Variants in YY1 observed in about 807,000 individuals in gnomAD.
YY1 encodes YY1 transcription factor, also known as transcriptional repressor protein YY1.
In YY1, 2 loss-of-function variants were observed where a neutral mutation model predicts 35.6. That is an observed-to-expected ratio of 0.06 (90% CI 0.02 to 0.18). The LOEUF (loss-of-function observed/expected upper bound fraction) is 0.18. Ranked by LOEUF, YY1 falls within the 10% of genes least tolerant of loss-of-function variation. The probability of loss-of-function intolerance (pLI) is 1.00; values close to 1 mark genes in which losing one functional copy is unlikely to be tolerated. For missense variants in YY1, 322 were observed against 573.4 expected, an observed-to-expected ratio of 0.56 and a Z score of 4.48; for synonymous variants, 268 against 238.9, an observed-to-expected ratio of 1.12 and a Z score of -1.12.
intron 1 of YY1, among the ~76,000 whole-genome samples, chr14:100,249,992 C>T (rs1890900642): frequency 6.6e-6 from 1 of 152,000 alleles, no homozygotes; most frequent in African/African-American, 2.4e-5. Context: ...AGGCTGGTCT[C>T]GAACTCCCGA....
intron 1 of YY1, among the ~76,000 whole-genome samples, chr14:100,240,481 A>T (rs1393644752): frequency 1.4e-5 from 2 of 145,306 alleles, no homozygotes; most frequent in Non-Finnish European, 3.0e-5. Flanking sequence ...CCGGACTCCC[A>T]ACTGCTCCCC....
Position 100,277,099 on chromosome 14 carries a change from C to T in YY1, c.1063-319C>T. 1 of 462,502 alleles carries T rather than the reference C, an allele frequency of 2.2e-6. No homozygotes were observed. The highest frequency in any genetic ancestry group is 4.0e-5 in the East Asian group (1 of 24,764). 28.6% of individuals were successfully genotyped at this position (462,502 alleles called of 1,614,324 possible). ...TAAATCTAACGTGGTTCTTTTTTGACAACTGACACCAGAACCCTTAATCAT... is the reference window on the plus strand; with the variant it reads ...TAAATCTAACGTGGTTCTTTTTTGATAACTGACACCAGAACCCTTAATCAT... On this transcript the variant is annotated intron_variant, in intron 4 of 4. Transcript: ENST00000262238. The surrounding 1 kb of genome is among the most constrained non-coding windows in gnomAD (Gnocchi z 5.6).
chr14:100,241,362 A>T (rs1890738677), intron 1 of YY1, among the ~76,000 whole-genome samples: 1 of 152,176 alleles, frequency 6.6e-6, no homozygotes, highest in Admixed American at 6.5e-5. Context: ...AATGAATGAA[A>T]CAGAAATGAA....
At chr14:100,269,278 A>C (rs1367517568) in intron 2 of YY1, among the ~76,000 whole-genome samples, 21 of 152,182 alleles carry the variant, frequency 1.4e-4, no homozygotes, top group Non-Finnish European at 2.9e-5. Flanking sequence ...CAGGTGCTTA[A>C]CATACAGCTC....
intron 1 of YY1, among the ~76,000 whole-genome samples, chr14:100,255,201 A>G (rs1430969740): frequency 6.6e-6 from 1 of 152,128 alleles, no homozygotes; most frequent in East Asian, 1.9e-4. Flanking sequence ...GGAATAAGTC[A>G]TAAATGTGAT....
At chr14:100,248,756 C>T (rs1220279152) in intron 1 of YY1, among the ~76,000 whole-genome samples, 2 of 148,398 alleles carry the variant, frequency 1.3e-5, no homozygotes, top group Non-Finnish European at 3.0e-5. Flanking sequence ...GGCGCGATCT[C>T]GGCTCACTGC....
rs1819012687 is a variant in YY1 at position 100,281,451 on chromosome 14, C to CT, written c.*3852dup. The stretch of plus-strand genomic sequence containing the variant: ...TCGGCTGTAGGGGGCACCTGTCTGG[C>CT]TCCGGGCCCTTTGTCCTGGATACAC... On this transcript the variant is annotated 3_prime_UTR_variant, in exon 5 of 5. Coordinates refer to ENST00000262238, the MANE Select transcript of YY1 (RefSeq NM_003403.5). The CT allele has an allele frequency of 1.3e-5, 2 of 152,176 alleles. No individual in the cohort carries two copies. The highest frequency in any genetic ancestry group is 2.9e-5 in the Non-Finnish European group (2 of 68,068). 9.4% of individuals were successfully genotyped at this position (152,176 alleles called of 1,614,324 possible).
intron 1 of YY1, among the ~76,000 whole-genome samples, chr14:100,243,583 A>G (rs777672089): frequency 1.3e-4 from 20 of 152,038 alleles, no homozygotes; most frequent in Non-Finnish European, 2.6e-4. Flanking sequence ...GCTTAAGCCC[A>G]GGAGTTCGAG....
rs898699239 is a variant in YY1 at position 100,282,089 on chromosome 14, A to T, written c.*4489A>T. 2.6e-5 allele frequency: 4 copies of T among 152,162 alleles called. No homozygotes were observed. The highest frequency in any genetic ancestry group is 9.7e-5 in the African/African-American group (4 of 41,432). The allele number at this position is 152,162 out of a possible 1,614,324, so 9.4% of individuals were successfully genotyped here. ...CAGCAGGCAAAGCAAACCTCCCACA[A>T]ACTGGGTGCCGTAAGGTGGGAGGTG... On this transcript the variant is annotated 3_prime_UTR_variant, in exon 5 of 5. Transcript: ENST00000262238.
intron 1 of YY1, among the ~76,000 whole-genome samples, chr14:100,256,284 AC>A (rs1891005232): frequency 6.6e-6 from 1 of 152,152 alleles, no homozygotes; most frequent in African/African-American, 2.4e-5. Flanking sequence ...GATACCTCAA[AC>A]CAAAGAGGAA....
At chr14:100,267,293 T>C (rs553436548) in intron 2 of YY1, among the ~76,000 whole-genome samples, 15 of 152,334 alleles carry the variant, frequency 9.8e-5, no homozygotes, top group African/African-American at 3.4e-4. Flanking sequence ...TGTATACTTG[T>C]AGAGCATTAA....
At chr14:100,262,218 C>A in intron 1 of YY1, 86 bp from the exon 2 acceptor site, 1 of 1,442,166 alleles carries the variant, frequency 6.9e-7, no homozygotes, top group Non-Finnish European at 9.6e-7. Context: ...TAAATCACCC[C>A]ATTTAAGAAG....
chr14:100,242,799 AGT>A, intron 1 of YY1, among the ~76,000 whole-genome samples: 1 of 149,238 alleles, frequency 6.7e-6, no homozygotes, highest in Non-Finnish European at 1.5e-5. Context: ...CCCAGGCTGG[AGT>A]GCAGTGTCAC....
At chr14:100,256,925 C>G (rs1196774550) in intron 1 of YY1, among the ~76,000 whole-genome samples, 2 of 151,514 alleles carry the variant, frequency 1.3e-5, no homozygotes, top group Non-Finnish European at 2.9e-5. Context: ...ACTGGCTGTA[C>G]TAGTTGATTC....
chr14:100,253,107 A>G (rs1460540512), intron 1 of YY1, among the ~76,000 whole-genome samples: 1 of 152,248 alleles, frequency 6.6e-6, no homozygotes, highest in Non-Finnish European at 1.5e-5. Flanking sequence ...CTGTGAAACA[A>G]TAAAAGATCC....
intron 3 of YY1, chr14:100,275,847 C>A: frequency 6.4e-6 from 1 of 155,714 alleles, no homozygotes; most frequent in Non-Finnish European, 1.4e-5. Context: ...GCTTCTCGAG[C>A]GCCACACATC....
intron 1 of YY1, among the ~76,000 whole-genome samples, chr14:100,246,968 C>T (rs1890842700): frequency 1.3e-5 from 2 of 152,162 alleles, no homozygotes; most frequent in Admixed American, 1.3e-4. Context: ...GTCAGACTCT[C>T]CCCTCCAGGT....
chr14:100,269,841 GA>G (rs1393230106), intron 2 of YY1, among the ~76,000 whole-genome samples: 2 of 152,004 alleles, frequency 1.3e-5, no homozygotes, highest in African/African-American at 2.4e-5. Context: ...CACACATTTT[GA>G]AAATGACATT....
chr14:100,257,246 C>T (rs866025582), intron 1 of YY1, among the ~76,000 whole-genome samples: 2 of 152,224 alleles, frequency 1.3e-5, no homozygotes, highest in Non-Finnish European at 2.9e-5. Context: ...ACTTCCCTCA[C>T]TAGACTGTAA....
Sources: gnomAD v4.1 joint callset for allele counts (sites outside exome capture counted in the v4.1 genomes callset) on GRCh38, gnomAD v4.1.1 for gene constraint, Gnocchi (gnomAD v3.1) non-coding constraint, MANE v1.5 for transcripts, NCBI Gene and HGNC (gene_info 2026-07-23, HGNC 2026-07-21) for gene names.